KIF20B: variants seen among roughly 807,000 people sequenced by gnomAD.
KIF20B encodes kinesin-like protein KIF20B.
Under a neutral mutation model 232.5 loss-of-function variants are expected in KIF20B, and 188 were observed. That is an observed-to-expected ratio of 0.81 (90% confidence interval 0.72 to 0.91). KIF20B has a LOEUF of 0.91. KIF20B is among the 40% of genes least tolerant of loss of function. The pLI is 0.00. For missense variants in KIF20B, 2,154 were observed against 2,055.9 expected, an observed-to-expected ratio of 1.05 and a Z score of -0.92; for synonymous variants, 712 against 683.0, an observed-to-expected ratio of 1.04 and a Z score of -0.66.
At chr10:89,751,620 C>G in intron 24 of KIF20B, 149 bp downstream of exon 24, 1 of 730,994 alleles carries the variant, frequency 1.4e-6, no homozygotes, top group East Asian at 3.0e-5. Flanking sequence ...TATTACTTGT[C>G]ATTTTCCACT....
intron 15 of KIF20B, among the ~76,000 whole-genome samples, chr10:89,725,556 C>T (rs936474594): frequency 2.6e-5 from 4 of 152,038 alleles, no homozygotes; most frequent in Non-Finnish European, 4.4e-5. Context: ...AAGGGTTGCC[C>T]TTGCCGGGCA....
chr10:89,760,797 CT>C lies in KIF20B; in HGVS notation c.4791+165del, dbSNP rs545845926. The stretch of plus-strand genomic sequence containing the variant: ...GAGGCTTTTGAGGAGAGGTGAAATT[CT>C]TTTGGGAGATTATATGCCCAAATGA... On this transcript the variant is annotated intron_variant, in intron 28 of 32. Transcript: ENST00000371728. Among the ~76,000 whole-genome samples, 465 of 152,216 alleles carry C rather than the reference CT, an allele frequency of 3.1e-3. 1 individual carries two copies. Among genetic ancestry groups the C allele is most frequent in the Non-Finnish European group, 5.1e-3 (349 of 68,008 alleles).
chr10:89,701,839 CGAACACGGGGTACGCAGCGAG>C (rs1302006480), intron 1 of KIF20B, 159 bp downstream of exon 1: 4 of 152,042 alleles, frequency 2.6e-5, no homozygotes, highest in Admixed American at 2.6e-4. Flanking sequence ...CGGAGCGATG[CGAACACGGGGTACGCAGCGAG>C]GAATGAGTCA....
rs114423141 is a variant in KIF20B, at chr10:89,702,837, G to T, written c.-2+1157G>T. Among the ~76,000 whole-genome samples, 1,277 of 151,052 alleles carry T rather than the reference G, an allele frequency of 8.5e-3. 19 individuals are homozygous for T. Among genetic ancestry groups the T allele is most frequent in the African/African-American group, 0.03 (1,213 of 41,056 alleles). Reference sequence around the variant, plus strand: ...GGTAGTCTTTATCCCTGCATAAGTCGCTGAATTTGTTATAGGGGATACAGA... The same window carrying T: ...GGTAGTCTTTATCCCTGCATAAGTCTCTGAATTTGTTATAGGGGATACAGA... On this transcript the variant is annotated intron_variant, in intron 1 of 32. Transcript: ENST00000371728.
intron 29 of KIF20B, chr10:89,766,387 C>T (rs577701237): frequency 6.5e-6 from 1 of 152,834 alleles, no homozygotes; most frequent in Non-Finnish European, 1.5e-5. Flanking sequence ...CTCCGAGCTA[C>T]AGGAGGAAAT....
Position 89,758,689 on chromosome 10 carries a change from C to G in KIF20B, c.4504-17C>G. 6.5e-7 allele frequency: 1 copy of G among 1,529,466 alleles called. No individual in the cohort carries two copies. Among genetic ancestry groups the G allele is most frequent in the Non-Finnish European group, 8.8e-7 (1 of 1,139,960 alleles). The allele number at this position is 1,529,466 out of a possible 1,614,324, so 94.7% of individuals were successfully genotyped here. On this transcript the variant is annotated splice_polypyrimidine_tract_variant and intron_variant, in intron 26 of 32. Transcript: ENST00000371728. ...ATATCAAGGTTGATTTTAATATTTT[C>G]TTTATTTCCTGATTAGGAAATACTG...
At chr10:89,702,337 A>G (rs1026605365) in intron 1 of KIF20B, among the ~76,000 whole-genome samples, 2 of 152,122 alleles carry the variant, frequency 1.3e-5, no homozygotes, top group Admixed American at 6.5e-5. Context: ...GTCATTCCCC[A>G]GTTTAGAAGG....
At chr10:89,751,274 T>C (rs1004690025) in intron 23 of KIF20B, 72 bp from the exon 24 acceptor site, 2 of 1,243,120 alleles carry the variant, frequency 1.6e-6, no homozygotes, top group Non-Finnish European at 2.3e-6. Context: ...GTATTTTAAT[T>C]TTAGAAGAAC....
At chr10:89,733,139 T>C (rs994512372) in intron 19 of KIF20B, 83 bp downstream of exon 19, 6 of 1,370,166 alleles carry the variant, frequency 4.4e-6, no homozygotes, top group Middle Eastern at 1.8e-4. Context: ...CAGAGGGGCA[T>C]TCACTTGTCT....
At chr10:89,706,446 AT>A (rs1382182181) in intron 2 of KIF20B, among the ~76,000 whole-genome samples, 1 of 151,814 alleles carries the variant, frequency 6.6e-6, no homozygotes, top group Non-Finnish European at 1.5e-5. Flanking sequence ...TCTTTGGTGA[AT>A]TTTTTTGTGT....
rs116184155 is a variant in KIF20B at position 89,772,860 on chromosome 10, G to C, written c.5385+29G>C. ...AGCTAGTATTTCTGTTTTCATCAAT[G>C]TAGAACTGTTCGTGTTCTTTTTAAT... On this transcript the variant is annotated intron_variant, in intron 32 of 32. Coordinates refer to ENST00000371728, the MANE Select transcript of KIF20B (RefSeq NM_001284259.2). 3,417 of 1,561,186 alleles carry C rather than the reference G, an allele frequency of 2.2e-3. 70 individuals carry two copies. The African/African-American group carries it at 0.041, about 19-fold the overall frequency.
intron 12 of KIF20B, 68 bp downstream of exon 12, chr10:89,718,940 T>G: frequency 1.0e-6 from 1 of 993,060 alleles, no homozygotes; most frequent in Middle Eastern, 3.3e-4. Context: ...ATAAATATTT[T>G]TTACTTAATA....
chr10:89,765,853 G>C (rs1842348399), intron 29 of KIF20B, among the ~76,000 whole-genome samples: 4 of 152,150 alleles, frequency 2.6e-5, no homozygotes, highest in African/African-American at 9.7e-5. Context: ...GGCTTGTAGA[G>C]TTTCTGCCGA....
intron 21 of KIF20B, among the ~76,000 whole-genome samples, chr10:89,742,798 C>G (rs1270712894): frequency 6.7e-6 from 1 of 148,690 alleles, no homozygotes; most frequent in South Asian, 2.2e-4. Context: ...CTCCCGGGTT[C>G]AAGCAATTCT....
chr10:89,746,295 A>C (rs1841909057), intron 23 of KIF20B, among the ~76,000 whole-genome samples: 1 of 152,128 alleles, frequency 6.6e-6, no homozygotes, highest in African/African-American at 2.4e-5. Context: ...GCTCTAGTGT[A>C]CTGGAAAAAT....
In KIF20B at chr10:89,737,621, T is replaced by G. The variant is rs1365687384; in HGVS notation, c.2780T>G (p.Leu927Ter). 2 of 1,605,728 alleles carry G rather than the reference T, an allele frequency of 1.2e-6. No homozygotes were observed. Among genetic ancestry groups the G allele is most frequent in the Non-Finnish European group, 8.5e-7 (1 of 1,175,668 alleles). The change falls in exon 20 of 33, where the codon TTA (leucine) becomes TGA (stop). Residue 927 changes from leucine (L) to a stop codon, truncating the protein, a stop_gained. Transcript: ENST00000371728. LOFTEE classifies it high-confidence loss of function. Reference sequence around the variant, plus strand: ...CTTTCTCTTTCTGAAAAAAAGAATTTAACTTTAAGTAAAGAGGTCCAACAA... The same window carrying G: ...CTTTCTCTTTCTGAAAAAAAGAATTGAACTTTAAGTAAAGAGGTCCAACAA... ...QELSLSEKKNLTLSKEVQQIQ... is the reference protein window; with the variant it reads ...QELSLSEKKN
chr10:89,725,600 GTTTA>G (rs889054701), intron 15 of KIF20B, among the ~76,000 whole-genome samples: 1 of 151,994 alleles, frequency 6.6e-6, no homozygotes, highest in Non-Finnish European at 1.5e-5. Flanking sequence ...AATTTTATTT[GTTTA>G]TTTATTTATT....
At chr10:89,763,197 C>G (rs573168052) in intron 29 of KIF20B, among the ~76,000 whole-genome samples, 1 of 152,278 alleles carries the variant, frequency 6.6e-6, no homozygotes, top group Admixed American at 6.5e-5. Context: ...AGGAGAACAA[C>G]TTGAACCCAG....
In KIF20B at chr10:89,701,963, T is replaced by C. The variant is rs561145221; in HGVS notation, c.-2+283T>C. The stretch of plus-strand genomic sequence containing the variant: ...TTTAATCTCTCTCTGTACCTTAGTT[T>C]TCTTATCAGTTAAAAGGCTGCAATG... On this transcript the variant is annotated intron_variant, in intron 1 of 32. Coordinates refer to ENST00000371728, the MANE Select transcript of KIF20B (RefSeq NM_001284259.2). Among the ~76,000 whole-genome samples, 15 of 152,370 alleles carry C rather than the reference T, an allele frequency of 9.8e-5. No individual in the cohort carries two copies. The South Asian group carries it at 2.9e-3, about 29-fold the overall frequency.
Sources: allele counts gnomAD v4.1 joint callset (sites outside exome capture counted in the v4.1 genomes callset), GRCh38; gene constraint gnomAD v4.1.1; transcripts MANE v1.5; gene names NCBI Gene and HGNC (gene_info 2026-07-23, HGNC 2026-07-21).